Variants in LYPLA1 observed in about 807,000 individuals in gnomAD.
LYPLA1 encodes the protein lysophospholipase 1.
A neutral mutation model predicts 34.0 loss-of-function variants in LYPLA1; 17 were observed. The observed-to-expected ratio is 0.50, with a 90% CI of 0.34 to 0.75. The LOEUF (loss-of-function observed/expected upper bound fraction) is 0.75, where lower values mean the gene tolerates loss of function less well. Ranked by LOEUF, LYPLA1 falls within the 30% of genes least tolerant of loss-of-function variation. The pLI, the probability that LYPLA1 is intolerant of heterozygous loss-of-function variation, is 0.01. For synonymous variants in LYPLA1, 98 were observed against 100.8 expected (o/e 0.97, Z 0.17); for missense variants, 203 against 288.8 (o/e 0.70, Z 2.15).
chr8:54,083,327 C>T (rs1586153469), intron 2 of LYPLA1, among the ~76,000 whole-genome samples: 1 of 152,260 alleles, frequency 6.6e-6, no homozygotes, highest in East Asian at 1.9e-4. Flanking sequence ...AGGAATATTA[C>T]TCTAAGCAAA....
chr8:54,086,773 C>T (rs768069390), intron 2 of LYPLA1, among the ~76,000 whole-genome samples: 1 of 152,004 alleles, frequency 6.6e-6, no homozygotes, highest in African/African-American at 2.4e-5. Context: ...TGGTTTGAGC[C>T]TGGAAGGTTG....
At chr8:54,096,122 T>G (rs191972156) in intron 2 of LYPLA1, among the ~76,000 whole-genome samples, 1 of 152,350 alleles carries the variant, frequency 6.6e-6, no homozygotes, top group East Asian at 1.9e-4. Flanking sequence ...TAAGCTGTAA[T>G]GAGGCAACAC....
intron 8 of LYPLA1, 45 bp downstream of exon 8, chr8:54,050,965 GAA>G: frequency 1.3e-6 from 2 of 1,509,916 alleles, no homozygotes; most frequent in Non-Finnish European, 1.8e-6. Flanking sequence ...AATATCACAT[GAA>G]AAAAGTTACA....
chr8:54,094,817 C>T (rs920176636), intron 2 of LYPLA1, among the ~76,000 whole-genome samples: 7 of 152,074 alleles, frequency 4.6e-5, no homozygotes, highest in Admixed American at 4.6e-4. Context: ...ACACCAAGTA[C>T]CAGCTTGAAA....
At chr8:54,087,391 G>A (rs568025752) in intron 2 of LYPLA1, among the ~76,000 whole-genome samples, 22 of 152,310 alleles carry the variant, frequency 1.4e-4, no homozygotes, top group Admixed American at 9.8e-4. Flanking sequence ...CCAGCTACCC[G>A]GGAAGCCGAG....
downstream of LYPLA1, among the ~76,000 whole-genome samples, chr8:54,043,791 C>A (rs868609591): frequency 2.6e-5 from 4 of 152,156 alleles, no homozygotes; most frequent in Middle Eastern, 6.8e-3. Context: ...GAACTCCTGA[C>A]CTCAAGGGAT....
intron 1 of LYPLA1, chr8:54,101,553 T>A: frequency 8.7e-7 from 1 of 1,147,292 alleles, no homozygotes; most frequent in Non-Finnish European, 1.1e-6. Context: ...AGCTGGGGAC[T>A]GGCCCTCGCG....
chr8:54,078,317 T>C (rs868165328), intron 2 of LYPLA1, among the ~76,000 whole-genome samples: 17 of 152,212 alleles, frequency 1.1e-4, no homozygotes, highest in African/African-American at 3.9e-4. Context: ...CAAAATAATT[T>C]TCAAAAATAG....
At chr8:54,084,133 A>AAAAAAAAAAAAAATTTTTATATATAT (rs1373090573) in intron 2 of LYPLA1, among the ~76,000 whole-genome samples, 14 of 120,480 alleles carry the variant, frequency 1.2e-4, no homozygotes, top group African/African-American at 4.6e-4. Flanking sequence ...AGAAAAAAAA[A>AAAAAAAAAAAAAATTTTTATATATAT]ATAAATAAAT....
intron 2 of LYPLA1, among the ~76,000 whole-genome samples, chr8:54,081,028 A>T (rs1808277854): frequency 6.6e-6 from 1 of 152,250 alleles, no homozygotes; most frequent in African/African-American, 2.4e-5. Flanking sequence ...TTTGCCAAAG[A>T]ATAAAAATGC....
rs1806703978 is a variant in LYPLA1 at position 54,062,311 on chromosome 8, CAAT to C, written c.226_228del (p.Ile76del). On this transcript the variant is annotated inframe_deletion, in exon 5 of 9. Coordinates refer to ENST00000316963, the MANE Select transcript of LYPLA1 (RefSeq NM_006330.4). ...TCCTCCTGTGAATCTGGTGAAAGCC[CAAT>C]AATATCAAACCTGTAAAATAAGGCA... 3.7e-6 allele frequency: 6 copies of C among 1,603,708 alleles called. No homozygotes were observed. Among genetic ancestry groups the C allele is most frequent in the South Asian group, 3.3e-5 (3 of 89,588 alleles).
intron 2 of LYPLA1, among the ~76,000 whole-genome samples, chr8:54,083,116 T>C (rs1385935193): frequency 6.6e-6 from 1 of 152,174 alleles, no homozygotes; most frequent in East Asian, 1.9e-4. Context: ...AAAAATCTTT[T>C]AAAAAATTAG....
chr8:54,058,676 A>C (rs1806378391), intron 5 of LYPLA1, among the ~76,000 whole-genome samples: 1 of 151,738 alleles, frequency 6.6e-6, no homozygotes, highest in African/African-American at 2.4e-5. Context: ...CTCAGGCTCA[A>C]GCAATCCTCC....
chr8:54,091,470 A>C (rs1444768985), intron 2 of LYPLA1, among the ~76,000 whole-genome samples: 1 of 150,902 alleles, frequency 6.6e-6, no homozygotes, highest in African/African-American at 2.4e-5. Flanking sequence ...CTGGGCAACA[A>C]GAGCAAAACT....
At chr8:54,101,148 G>A (rs1394130574) in intron 1 of LYPLA1, among the ~76,000 whole-genome samples, 2 of 151,254 alleles carry the variant, frequency 1.3e-5, no homozygotes, top group Non-Finnish European at 2.9e-5. Context: ...TAATGAATGG[G>A]GGGGGGGTAG....
intron 2 of LYPLA1, among the ~76,000 whole-genome samples, chr8:54,067,192 A>G (rs1246040886): frequency 2.6e-5 from 4 of 152,134 alleles, no homozygotes; most frequent in African/African-American, 9.7e-5. Context: ...AAGTGAGTAA[A>G]TAAAATAAAA....
intron 2 of LYPLA1, among the ~76,000 whole-genome samples, chr8:54,066,936 G>A (rs1393608863): frequency 1.3e-5 from 2 of 152,182 alleles, no homozygotes; most frequent in African/African-American, 4.8e-5. Flanking sequence ...TTGGGAGACT[G>A]AAGCATGCGG....
At chr8:54,092,170 C>T (rs1809333045) in intron 2 of LYPLA1, among the ~76,000 whole-genome samples, 1 of 146,866 alleles carries the variant, frequency 6.8e-6, no homozygotes, top group Non-Finnish European at 1.5e-5. Flanking sequence ...CGGAGGAGAA[C>T]CCTGTCGAAG....
At position 54,100,917 on chromosome 8, in the gene LYPLA1, C is replaced by T; in HGVS notation, c.92G>A (p.Gly31Glu). The T allele has an allele frequency of 6.2e-7, 1 of 1,609,958 alleles. No homozygotes were observed. Among genetic ancestry groups the T allele is most frequent in the Non-Finnish European group, 8.5e-7 (1 of 1,176,334 alleles). ...TAAVIFLHGL[G>E]DTGHGWAEAF... ...TAATAATGGTACCTACCCAGTATCT[C>T]CCAATCCATGCAGGAAAATCACCTA... is the stretch of plus-strand genomic sequence containing the variant. The change falls in exon 2 of 9, where the codon GGA (glycine) becomes GAA (glutamate). Residue 31 changes from glycine (G) to glutamate (E), a missense_variant. Gly to Glu is a moderately conservative substitution (Grantham distance 98). Around this residue, in one of 3 missense-constraint regions of LYPLA1, gnomAD observed 75 missense variants for 73.5 expected, o/e 1.02. Coordinates refer to ENST00000316963, the MANE Select transcript of LYPLA1 (RefSeq NM_006330.4).
Sources: allele counts gnomAD v4.1 joint callset (sites outside exome capture counted in the v4.1 genomes callset), GRCh38; gene constraint gnomAD v4.1.1; regional missense constraint gnomAD v4.1.1; transcripts MANE v1.5; gene names NCBI Gene and HGNC (gene_info 2026-07-23, HGNC 2026-07-21).